EPHA6: variants seen among roughly 807,000 people sequenced by gnomAD.
EPHA6 encodes the protein EPH receptor A6.
Under a neutral mutation model 112.0 loss-of-function variants are expected in EPHA6, and 50 were observed. That is an observed-to-expected ratio of 0.45 (90% CI 0.36 to 0.56). EPHA6 has a LOEUF of 0.56. Ranked by LOEUF, EPHA6 falls within the 20% of genes least tolerant of loss-of-function variation. The pLI is 0.00. For synonymous variants in EPHA6, 529 were observed against 490.7 expected (o/e 1.08, Z -1.03); for missense variants, 1,280 against 1,417.4 (o/e 0.90, Z 1.56).
At chr3:96,973,595 G>A (rs1165911455) in intron 2 of EPHA6, among the ~76,000 whole-genome samples, 4 of 151,738 alleles carry the variant, frequency 2.6e-5, no homozygotes, top group Admixed American at 1.3e-4. Context: ...GCTGAGGGGG[G>A]CGGATTGCCT....
intron 9 of EPHA6, among the ~76,000 whole-genome samples, chr3:97,483,137 A>C (rs2091603345): frequency 6.6e-6 from 1 of 152,230 alleles, no homozygotes; most frequent in African/African-American, 2.4e-5. Context: ...AGGGATATTC[A>C]TGGGCAGAGG....
intron 11 of EPHA6, among the ~76,000 whole-genome samples, chr3:97,536,257 C>T (rs1041837984): frequency 6.6e-5 from 10 of 152,056 alleles, no homozygotes; most frequent in Admixed American, 1.3e-4. Context: ...TACAAAAAAG[C>T]AAGAACTATG....
intron 5 of EPHA6, among the ~76,000 whole-genome samples, chr3:97,277,706 T>A (rs2080139542): frequency 6.6e-6 from 1 of 152,108 alleles, no homozygotes; most frequent in South Asian, 2.1e-4. Flanking sequence ...AAAGATACAA[T>A]AAAAATACAG....
At chr3:97,200,569 A>G (rs192271301) in intron 3 of EPHA6, among the ~76,000 whole-genome samples, 3 of 152,234 alleles carry the variant, frequency 2.0e-5, no homozygotes, top group African/African-American at 7.2e-5. Context: ...TCCAGCAATG[A>G]AAGCATGCAG....
intron 11 of EPHA6, among the ~76,000 whole-genome samples, chr3:97,581,786 GCC>G: frequency 6.6e-6 from 1 of 152,234 alleles, no homozygotes; most frequent in African/African-American, 2.4e-5. Flanking sequence ...CAGCTTTGCT[GCC>G]TCCTGAGGGA....
At chr3:97,416,252 C>T (rs1261068302) in intron 6 of EPHA6, among the ~76,000 whole-genome samples, 5 of 152,012 alleles carry the variant, frequency 3.3e-5, no homozygotes, top group Non-Finnish European at 5.9e-5. Context: ...ACAGCAGATC[C>T]AGAATTATTT....
At chr3:97,727,804 C>A (rs1372420234) in intron 15 of EPHA6, among the ~76,000 whole-genome samples, 1 of 151,928 alleles carries the variant, frequency 6.6e-6, no homozygotes, top group Non-Finnish European at 1.5e-5. Flanking sequence ...TAAATACATA[C>A]TAATTACATG....
intron 6 of EPHA6, among the ~76,000 whole-genome samples, chr3:97,407,045 T>C (rs1002157074): frequency 6.6e-6 from 1 of 152,146 alleles, no homozygotes; most frequent in African/African-American, 2.4e-5. Flanking sequence ...GAAAAATCAC[T>C]GTCTAATTTT....
At chr3:97,311,844 T>A (rs59399614) in intron 5 of EPHA6, among the ~76,000 whole-genome samples, 12,591 of 129,062 alleles carry the variant, frequency 0.098, 1,606 homozygotes, top group African/African-American at 0.38. Flanking sequence ...AACAAAACAA[T>A]AATAAACAAA....
chr3:97,534,902 G>A (rs1377355818), intron 11 of EPHA6, among the ~76,000 whole-genome samples: 2 of 152,026 alleles, frequency 1.3e-5, no homozygotes, highest in Non-Finnish European at 2.9e-5. Context: ...TCTGATGTGT[G>A]TTTATGCATG....
chr3:97,030,506 A>C (rs189198273), intron 3 of EPHA6, among the ~76,000 whole-genome samples: 2 of 152,180 alleles, frequency 1.3e-5, no homozygotes, highest in Non-Finnish European at 2.9e-5. Context: ...TTTAGTCTCT[A>C]ACTTTTTTCT....
Position 97,226,246 on chromosome 3 carries a change from T to G in EPHA6, c.1115-18T>G, listed in dbSNP as rs761341044. The G allele has an allele frequency of 4.7e-5, 75 of 1,580,076 alleles. No individual in the cohort carries two copies. Among genetic ancestry groups the G allele is most frequent in the Middle Eastern group, 1.8e-4 (1 of 5,612 alleles). On this transcript the variant is annotated intron_variant, in intron 3 of 17. Coordinates refer to ENST00000389672, the MANE Select transcript of EPHA6 (RefSeq NM_001080448.3). ...CTAGCAATAATAACTAAAAAAGTGT[T>G]TTTTTCTCTTTTTACAGCTTGCAGA...
intron 2 of EPHA6, among the ~76,000 whole-genome samples, chr3:96,962,411 T>C (rs2041977736): frequency 1.3e-5 from 2 of 151,044 alleles, no homozygotes; most frequent in African/African-American, 4.9e-5. Flanking sequence ...GAACAGAAGC[T>C]AGAGTTGAGA....
At position 96,987,479 on chromosome 3, in the gene EPHA6, C is replaced by T. The variant is rs1406295991; in HGVS notation, c.600C>T (p.Phe200=). ...AGAAAATTTATGTGGAAATGAAATT[C>T]ACACTAAGGGATTGTAACAGCATCC... ...AAQKIYVEMK[F]TLRDCNSIPW... Residue 200 remains phenylalanine, a synonymous_variant, in exon 3 of 18, where the codon TTC becomes TTT. Coordinates refer to ENST00000389672, the MANE Select transcript of EPHA6 (RefSeq NM_001080448.3). 1 of 1,613,878 alleles carries T rather than the reference C, an allele frequency of 6.2e-7. No homozygotes were observed. The highest frequency in any genetic ancestry group is 1.1e-5 in the South Asian group (1 of 91,080).
chr3:96,866,988 T>G lies in EPHA6; in HGVS notation c.450+99T>G, dbSNP rs535807492. ...AATTTTGGGCCCTACTTGTTATGAA[T>G]TTTGACATATAACTTACATCCCATA... is the stretch of plus-strand genomic sequence containing the variant. On this transcript the variant is annotated intron_variant, in intron 2 of 17. Transcript: ENST00000389672. 34 of 577,726 alleles carry G rather than the reference T, an allele frequency of 5.9e-5. No homozygotes were observed. In the African/African-American group the frequency reaches 6.5e-4, roughly 11 times the overall value. 35.8% of individuals were successfully genotyped at this position (577,726 alleles called of 1,614,324 possible).
chr3:97,532,328 T>A (rs1356734563), intron 10 of EPHA6, 30 bp from the exon 11 acceptor site: 2 of 1,575,388 alleles, frequency 1.3e-6, no homozygotes, highest in Middle Eastern at 3.4e-4. Context: ...TTCGGTTTAA[T>A]CAAATAACTG....
At chr3:96,843,992 A>C (rs2034915766) in intron 1 of EPHA6, among the ~76,000 whole-genome samples, 1 of 151,976 alleles carries the variant, frequency 6.6e-6, no homozygotes, top group Admixed American at 6.6e-5. Flanking sequence ...ATTTCCCACT[A>C]AATCTTTCTT....
chr3:96,841,257 A>T (rs1489835836), intron 1 of EPHA6, among the ~76,000 whole-genome samples: 1 of 152,148 alleles, frequency 6.6e-6, no homozygotes. Flanking sequence ...TAACCTTTCC[A>T]AATGAGGCAA....
intron 3 of EPHA6, among the ~76,000 whole-genome samples, chr3:96,991,954 C>A (rs563986189): frequency 2.6e-5 from 4 of 152,132 alleles, no homozygotes; most frequent in African/African-American, 9.7e-5. Context: ...TCCCTGACTG[C>A]AGGGGCAGAG....
Sources: gnomAD v4.1 joint callset for allele counts (sites outside exome capture counted in the v4.1 genomes callset) on GRCh38, gnomAD v4.1.1 for gene constraint, MANE v1.5 for transcripts, NCBI Gene and HGNC (gene_info 2026-07-23, HGNC 2026-07-21) for gene names.